TOGARAM1: variants seen among roughly 807,000 people sequenced by gnomAD.
TOGARAM1 encodes the protein TOG array regulator of axonemal microtubules 1, also known as TOG array regulator of axonemal microtubules protein 1.
TOGARAM1 carries 100 observed loss-of-function variants against 166.6 expected under a neutral mutation model. The observed-to-expected ratio is 0.60, with a 90% CI of 0.51 to 0.71. TOGARAM1 has a LOEUF of 0.71. TOGARAM1 is among the 30% of genes least tolerant of loss of function. The probability of loss-of-function intolerance (pLI) is 0.00; values close to 1 mark genes in which losing one functional copy is unlikely to be tolerated. For synonymous variants in TOGARAM1, 758 were observed against 763.8 expected (o/e 0.99, Z 0.13); for missense variants, 2,029 against 2,102.7 (o/e 0.96, Z 0.69).
chr14:45,020,285 C>T (rs1279691938), intron 7 of TOGARAM1, among the ~76,000 whole-genome samples: 1 of 152,160 alleles, frequency 6.6e-6, no homozygotes, highest in African/African-American at 2.4e-5. Context: ...AACATAATAA[C>T]AGCATTCTTC....
chr14:45,050,589 A>C (rs1882313858), intron 14 of TOGARAM1, among the ~76,000 whole-genome samples: 1 of 150,728 alleles, frequency 6.6e-6, no homozygotes, highest in Non-Finnish European at 1.5e-5. Context: ...GTATCCCCCC[A>C]ATCCACAAAA....
At chr14:45,032,407 G>C (rs1192742494) in intron 11 of TOGARAM1, 31 bp downstream of exon 11, 1 of 1,579,108 alleles carries the variant, frequency 6.3e-7, no homozygotes, top group Non-Finnish European at 8.6e-7. Flanking sequence ...TTAAAACTAA[G>C]CAGAGTTCAA....
intron 13 of TOGARAM1, among the ~76,000 whole-genome samples, chr14:45,046,334 G>A (rs779224419): frequency 6.6e-6 from 1 of 152,136 alleles, no homozygotes; most frequent in South Asian, 2.1e-4. Context: ...TACTTGGGAG[G>A]CTAAGGCAGG....
chr14:44,972,908 A>C (rs1229417728), intron 1 of TOGARAM1, among the ~76,000 whole-genome samples: 2 of 152,104 alleles, frequency 1.3e-5, no homozygotes, highest in African/African-American at 2.4e-5. Flanking sequence ...TTTTGCTATA[A>C]TGTTGATGAG....
intron 4 of TOGARAM1, among the ~76,000 whole-genome samples, chr14:45,005,731 G>C (rs1312782792): frequency 2.0e-5 from 3 of 152,194 alleles, no homozygotes; most frequent in African/African-American, 7.2e-5. Context: ...TACCCTACAA[G>C]TCCAGTGTTC....
chr14:45,054,900 T>G (rs1473757355), intron 16 of TOGARAM1, among the ~76,000 whole-genome samples: 1 of 152,090 alleles, frequency 6.6e-6, no homozygotes, highest in African/African-American at 2.4e-5. Context: ...AAAAAAAACC[T>G]TTAGAAAATG....
At chr14:44,987,031 G>GAAAA (rs1197902922) in intron 1 of TOGARAM1, among the ~76,000 whole-genome samples, 1 of 147,938 alleles carries the variant, frequency 6.8e-6, no homozygotes, top group African/African-American at 2.5e-5. Flanking sequence ...AAAGAAAAAA[G>GAAAA]AAAAAAAAAT....
chr14:45,008,239 CTTTTTTTTT>C (rs762193120), intron 5 of TOGARAM1: 1 of 134,144 alleles, frequency 7.5e-6, no homozygotes, highest in East Asian at 2.1e-4. Context: ...TCTGGATTTC[CTTTTTTTTT>C]TTTTTTTTGA....
chr14:44,981,464 A>C (rs148233378), intron 1 of TOGARAM1, among the ~76,000 whole-genome samples: 1 of 152,322 alleles, frequency 6.6e-6, no homozygotes, highest in East Asian at 1.9e-4. Context: ...AGGGAGTTTC[A>C]AGGAGTCATC....
At chr14:45,035,580 A>G (rs1881384439) in intron 11 of TOGARAM1, among the ~76,000 whole-genome samples, 2 of 152,150 alleles carry the variant, frequency 1.3e-5, no homozygotes, top group Non-Finnish European at 2.9e-5. Context: ...GTGAACACCA[A>G]ACACAAGAAA....
chr14:44,970,239 A>G (rs1255933797), intron 1 of TOGARAM1, among the ~76,000 whole-genome samples: 1 of 152,174 alleles, frequency 6.6e-6, no homozygotes, highest in Non-Finnish European at 1.5e-5. Context: ...TACTTTCCTC[A>G]TATAGATACT....
At position 45,026,004 on chromosome 14, in the gene TOGARAM1, C is replaced by A. The variant is rs552314172; in HGVS notation, c.3328+132C>A. The stretch of plus-strand genomic sequence containing the variant: ...TCTTTTTAAAAATGTATTACATTAT[C>A]TTCATTAAAATAATTAGAAGTGAAT... On this transcript the variant is annotated intron_variant, in intron 8 of 19. Transcript: ENST00000361462. 3 of 518,700 alleles carry A rather than the reference C, an allele frequency of 5.8e-6. No homozygotes were observed. In the East Asian group the frequency reaches 9.5e-5, roughly 16 times the overall value. 32.1% of individuals were successfully genotyped at this position (518,700 alleles called of 1,614,324 possible). A position where few individuals can be genotyped will look rare whatever the true frequency, so the allele number is the denominator to read the frequency against.
chr14:45,027,281 G>A lies in TOGARAM1; in HGVS notation c.3329-18G>A. On this transcript the variant is annotated intron_variant, in intron 8 of 19. Transcript: ENST00000361462. ...CACATAATTAGTTAATGACTATTTG[G>A]TGGTTGGTTGATTTCAGGCGTATTT... 2 of 1,611,248 alleles carry A rather than the reference G, an allele frequency of 1.2e-6. No individual in the cohort carries two copies. The highest frequency in any genetic ancestry group is 1.7e-6 in the Non-Finnish European group (2 of 1,179,008).
At chr14:44,979,361 A>G (rs10139998) in intron 1 of TOGARAM1, among the ~76,000 whole-genome samples, 24,310 of 151,970 alleles carry the variant, frequency 0.16, 3,636 homozygotes, top group African/African-American at 0.4. Context: ...CTTCATAGAC[A>G]GCACCTTCTT....
At position 44,963,373 on chromosome 14, in the gene TOGARAM1, C is replaced by T; in HGVS notation, c.952C>T (p.Gln318Ter). Reference protein sequence around the residue: ...NRRLESQFGSQVPYYLELEAS... With the variant: ...NRRLESQFGS ...CCGCCTGGAGTCCCAGTTTGGAAGT[C>T]AGGTTCCTTATTATTTGGAACTTGA... Residue 318 changes from glutamine (Q) to a stop codon, truncating the protein, a stop_gained, in exon 1 of 20, where the codon CAG becomes TAG. Coordinates refer to ENST00000361462, the MANE Select transcript of TOGARAM1 (RefSeq NM_001308120.2). LOFTEE classifies it high-confidence loss of function. 6.2e-7 allele frequency: 1 copy of T among 1,614,190 alleles called. No individual in the cohort carries two copies. The highest frequency in any genetic ancestry group is 1.1e-5 in the South Asian group (1 of 91,076).
At chr14:45,009,690 A>G (rs1879680325) in intron 6 of TOGARAM1, among the ~76,000 whole-genome samples, 1 of 152,114 alleles carries the variant, frequency 6.6e-6, no homozygotes, top group East Asian at 1.9e-4. Context: ...ACCCCACATC[A>G]ATAGAAAATT....
At chr14:45,030,701 T>C (rs1022468116) in intron 10 of TOGARAM1, among the ~76,000 whole-genome samples, 1 of 152,180 alleles carries the variant, frequency 6.6e-6, no homozygotes, top group Non-Finnish European at 1.5e-5. Context: ...TATAGTAATT[T>C]AAGGCATCAT....
At chr14:45,028,835 T>C (rs983716293) in intron 10 of TOGARAM1, among the ~76,000 whole-genome samples, 19 of 152,140 alleles carry the variant, frequency 1.2e-4, no homozygotes, top group Admixed American at 3.9e-4. Flanking sequence ...TCATGTGAAC[T>C]ATAATAAACA....
chr14:45,004,164 C>T lies in TOGARAM1; in HGVS notation c.2442C>T (p.Ile814=). ...NGQNPSPGAY[I]LPSYPVSSPR... is the part of the protein sequence containing the mutation. ...AAAATCCAAGTCCAGGAGCTTACAT[C>T]CTTCCATCCTATCCTGTCTCATCAC... is the stretch of plus-strand genomic sequence containing the variant. The change falls in exon 4 of 20, where the codon ATC becomes ATT. Residue 814 remains isoleucine, a synonymous_variant. Transcript: ENST00000361462. 1.9e-6 allele frequency: 3 copies of T among 1,614,042 alleles called. No individual in the cohort carries two copies. The highest frequency in any genetic ancestry group is 2.2e-5 in the East Asian group (1 of 44,864).
Sources: allele counts gnomAD v4.1 joint callset (sites outside exome capture counted in the v4.1 genomes callset), GRCh38; gene constraint gnomAD v4.1.1; transcripts MANE v1.5; gene names NCBI Gene and HGNC (gene_info 2026-07-23, HGNC 2026-07-21).